SGCD: variants seen among roughly 807,000 people sequenced by gnomAD.
SGCD encodes the protein delta-sarcoglycan.
In SGCD, 18 loss-of-function variants were observed where a neutral mutation model predicts 36.6. The observed-to-expected ratio is 0.49, with a 90% CI of 0.34 to 0.73. The LOEUF (loss-of-function observed/expected upper bound fraction) is 0.73. Ranked by LOEUF, SGCD falls within the 30% of genes least tolerant of loss-of-function variation. SGCD has a pLI of 0.01. For missense variants in SGCD, 387 were observed against 346.7 expected, an observed-to-expected ratio of 1.12 and a Z score of -0.92; for synonymous variants, 133 against 130.6, an observed-to-expected ratio of 1.02 and a Z score of -0.12.
intron 3 of SGCD, among the ~76,000 whole-genome samples, chr5:156,412,256 G>A (rs1022509314): frequency 6.6e-6 from 1 of 152,172 alleles, no homozygotes; most frequent in Non-Finnish European, 1.5e-5. Context: ...TCCCATTCAG[G>A]CTGGTTAGCG....
chr5:156,649,894 A>C (rs761595802), intron 7 of SGCD, among the ~76,000 whole-genome samples: 7 of 152,156 alleles, frequency 4.6e-5, no homozygotes, highest in Non-Finnish European at 1.0e-4. Context: ...AGGACTCTAA[A>C]TACAGTACAG....
chr5:156,728,260 A>G (rs1755874080), intron 7 of SGCD, among the ~76,000 whole-genome samples: 1 of 152,112 alleles, frequency 6.6e-6, no homozygotes, highest in Non-Finnish European at 1.5e-5. Context: ...TAGTAATGGT[A>G]CCTTCTTCCT....
At chr5:156,261,393 A>T (rs973775385) in intron 3 of SGCD, among the ~76,000 whole-genome samples, 1 of 152,188 alleles carries the variant, frequency 6.6e-6, no homozygotes, top group African/African-American at 2.4e-5. Context: ...GTAGTCAATG[A>T]TATACCACAT....
the SGCD span, among the ~76,000 whole-genome samples, chr5:155,825,045 G>A: frequency 6.6e-6 from 1 of 152,098 alleles, no homozygotes; most frequent in East Asian, 1.9e-4. Context: ...CACACATAGT[G>A]CCAAACTATC....
Position 156,073,197 on chromosome 5 carries a change from G to A in SGCD, c.-281-44681G>A, listed in dbSNP as rs139695017. On this transcript the variant is annotated intron_variant, in intron 1 of 9. Coordinates refer to the SGCD transcript ENST00000517913. The stretch of plus-strand genomic sequence containing the variant: ...GAAACTTGCTTGTAAAAAATGACAC[G>A]ACGGAGTAGATGCAAAGTTAGGACA... Among the ~76,000 whole-genome samples, 329 of 152,166 alleles carry A rather than the reference G, an allele frequency of 2.2e-3. 1 individual carries two copies. The highest frequency in any genetic ancestry group is 7.4e-3 in the African/African-American group (308 of 41,518).
At chr5:155,784,289 T>A in the SGCD span, among the ~76,000 whole-genome samples, 2 of 152,142 alleles carry the variant, frequency 1.3e-5, no homozygotes, top group African/African-American at 4.8e-5. Context: ...AGACAGGGCA[T>A]GTCTGAAGAC....
chr5:156,247,773 T>C (rs1161926488), intron 3 of SGCD, among the ~76,000 whole-genome samples: 1 of 152,240 alleles, frequency 6.6e-6, no homozygotes, highest in African/African-American at 2.4e-5. Context: ...GCTGTACTTT[T>C]TGCTCTCATG....
At chr5:156,613,015 T>C (rs1384721387) in intron 6 of SGCD, among the ~76,000 whole-genome samples, 1 of 152,116 alleles carries the variant, frequency 6.6e-6, no homozygotes, top group Non-Finnish European at 1.5e-5. Context: ...ATAAAATCAC[T>C]CCTGGCTGCA....
intron 3 of SGCD, among the ~76,000 whole-genome samples, chr5:156,454,701 C>T (rs1754175667): frequency 6.6e-6 from 1 of 151,990 alleles, no homozygotes; most frequent in Non-Finnish European, 1.5e-5. Context: ...GGCATGGTGG[C>T]AAGAGTGGTG....
At chr5:156,553,586 G>T (rs138074686) in intron 4 of SGCD, among the ~76,000 whole-genome samples, 342 of 151,988 alleles carry the variant, frequency 2.3e-3, no homozygotes, top group African/African-American at 8.2e-3. Flanking sequence ...ATCCCATAAA[G>T]AAACCCCATA....
the SGCD span, among the ~76,000 whole-genome samples, chr5:155,834,253 A>G: frequency 6.6e-6 from 1 of 152,308 alleles, no homozygotes; most frequent in African/African-American, 2.4e-5. Context: ...CTCAGTACCA[A>G]GAGCCTGCAC....
intron 1 of SGCD, among the ~76,000 whole-genome samples, chr5:156,327,715 T>C (rs1256496134): frequency 1.3e-5 from 2 of 152,230 alleles, no homozygotes; most frequent in Admixed American, 1.3e-4. Flanking sequence ...TTGAAGTTTC[T>C]ACGTTGGATG....
At chr5:156,065,763 G>C (rs1361418470) in intron 1 of SGCD, among the ~76,000 whole-genome samples, 1 of 1,774 alleles carries the variant, frequency 5.6e-4, no homozygotes, top group East Asian at 6.3e-3. Context: ...TGCAACCCCT[G>C]CCTTTTTTTG....
In SGCD at chr5:156,499,177, A is replaced by G. The variant is rs115313858; in HGVS notation, c.193-9424A>G. On this transcript the variant is annotated intron_variant, in intron 3 of 8. Transcript: ENST00000337851. ...GTTTTCTCTACTGTTAAATGGGGCT[A>G]ATAGTGCCTACCCTTTTTAGTTACA... 3.5e-3 allele frequency among the ~76,000 whole-genome samples: 528 copies of G among 152,264 alleles called. 1 individual carries two copies. Among genetic ancestry groups the G allele is most frequent in the African/African-American group, 0.012 (498 of 41,546 alleles).
intron 3 of SGCD, among the ~76,000 whole-genome samples, chr5:156,271,443 G>A (rs1231222491): frequency 1.3e-5 from 2 of 152,112 alleles, no homozygotes; most frequent in African/African-American, 2.4e-5. Context: ...GAATCTGTAG[G>A]TAGGCCAGGG....
intron 7 of SGCD, among the ~76,000 whole-genome samples, chr5:156,703,584 C>T (rs941762654): frequency 6.6e-6 from 1 of 152,000 alleles, no homozygotes; most frequent in Non-Finnish European, 1.5e-5. Flanking sequence ...CAATTTTATA[C>T]CATGCTAGGC....
chr5:155,976,132 A>G (rs960241140), intron 1 of SGCD, among the ~76,000 whole-genome samples: 9 of 152,190 alleles, frequency 5.9e-5, no homozygotes, highest in Non-Finnish European at 1.3e-4. Context: ...ATGCTGTAAG[A>G]CAGATGCACA....
intron 3 of SGCD, among the ~76,000 whole-genome samples, chr5:156,228,434 T>C (rs893317046): frequency 1.3e-5 from 2 of 152,178 alleles, no homozygotes; most frequent in Non-Finnish European, 2.9e-5. Context: ...TTTAAAGTGA[T>C]TTTTGTCTAA....
At chr5:156,132,595 A>C (rs1762355306) in intron 3 of SGCD, among the ~76,000 whole-genome samples, 1 of 147,680 alleles carries the variant, frequency 6.8e-6, no homozygotes, top group African/African-American at 2.5e-5. Context: ...CAGCCTCCCG[A>C]GTAGCTGGGA....
Sources: gnomAD v4.1 joint callset for allele counts (sites outside exome capture counted in the v4.1 genomes callset) on GRCh38, gnomAD v4.1.1 for gene constraint, MANE v1.5 for transcripts, NCBI Gene and HGNC (gene_info 2026-07-23, HGNC 2026-07-21) for gene names.